The following TRPC6 variants were observed in gnomAD, a reference collection of about 807,000 sequenced individuals.
TRPC6 encodes the protein short transient receptor potential channel 6.
In TRPC6, 55 loss-of-function variants were observed where a neutral mutation model predicts 90.7. That is an observed-to-expected ratio of 0.61 (90% confidence interval 0.49 to 0.76). TRPC6 has a LOEUF of 0.76. Ranked by LOEUF, TRPC6 falls within the 30% of genes least tolerant of loss-of-function variation. The pLI is 0.00. For synonymous variants in TRPC6, 393 were observed against 393.0 expected, an observed-to-expected ratio of 1.00 and a Z score of 0.00; for missense variants, 989 against 1,122.7, an observed-to-expected ratio of 0.88 and a Z score of 1.70.
intron 2 of TRPC6, among the ~76,000 whole-genome samples, chr11:101,500,050 A>G (rs1860075358): frequency 8.5e-6 from 1 of 117,610 alleles, no homozygotes; most frequent in African/African-American, 3.5e-5. Flanking sequence ...TATACAATAT[A>G]AAATATGTGT....
At position 101,464,930 on chromosome 11, in the gene TRPC6, C is replaced by T. The variant is rs183682122; in HGVS notation, c.2484+4497G>A. 4.8e-3 allele frequency among the ~76,000 whole-genome samples: 734 copies of T among 152,198 alleles called. 7 individuals carry two copies. The highest frequency in any genetic ancestry group is 4.3e-3 in the Non-Finnish European group (292 of 68,008). ...GGTATGTTTTTGCAGCAGCTTGTAC[C>T]GGTTTTTCCTTTCCATACTTAGTGC... On this transcript the variant is annotated intron_variant, in intron 10 of 12. Transcript: ENST00000344327.
chr11:101,548,567 C>G (rs1411419646), intron 1 of TRPC6, among the ~76,000 whole-genome samples: 12 of 146,474 alleles, frequency 8.2e-5, no homozygotes, highest in African/African-American at 2.8e-4. Flanking sequence ...AGCCATTTAA[C>G]CAAAGTAAGA....
At chr11:101,581,204 C>A (rs182412332) in intron 1 of TRPC6, among the ~76,000 whole-genome samples, 1 of 152,152 alleles carries the variant, frequency 6.6e-6, no homozygotes, top group African/African-American at 2.4e-5. Flanking sequence ...CTGCTCAGTT[C>A]TATTTATTAA....
chr11:101,526,471 C>T lies in TRPC6; in HGVS notation c.171-21673G>A, dbSNP rs181460604. Among the ~76,000 whole-genome samples, 5 of 152,280 alleles carry T rather than the reference C, an allele frequency of 3.3e-5. No homozygotes were observed. The East Asian group carries it at 9.6e-4, about 29-fold the overall frequency. On this transcript the variant is annotated intron_variant, in intron 1 of 12. Transcript: ENST00000344327. The stretch of plus-strand genomic sequence containing the variant: ...ATCAATAAGTATAGTTGTTTTCTTA[C>T]TGAGTGAATCTTTTCAGATGTGTTA...
intron 10 of TRPC6, among the ~76,000 whole-genome samples, chr11:101,463,244 C>T (rs548999152): frequency 1.1e-3 from 161 of 152,244 alleles, no homozygotes; most frequent in South Asian, 6.2e-3. Context: ...CATCAATGTT[C>T]GTCAGGGATA....
chr11:101,540,405 A>G (rs561926149), intron 1 of TRPC6, among the ~76,000 whole-genome samples: 1 of 152,372 alleles, frequency 6.6e-6, no homozygotes, highest in South Asian at 2.1e-4. Context: ...GACATGGAGG[A>G]AAAGAACAAT....
chr11:101,467,856 C>T (rs573730968), intron 10 of TRPC6, among the ~76,000 whole-genome samples: 1 of 152,320 alleles, frequency 6.6e-6, no homozygotes, highest in Non-Finnish European at 1.5e-5. Flanking sequence ...TGTTGACCCC[C>T]ATACACTAGC....
rs199587164 is a variant in TRPC6 at position 101,452,338 on chromosome 11, T to C, written c.*617A>G. 6.5e-6 allele frequency: 1 copy of C among 153,306 alleles called. No individual in the cohort carries two copies. Among genetic ancestry groups the C allele is most frequent in the Admixed American group, 6.5e-5 (1 of 15,458 alleles). 9.5% of individuals were successfully genotyped at this position (153,306 alleles called of 1,614,324 possible). On this transcript the variant is annotated 3_prime_UTR_variant, in exon 13 of 13. Transcript: ENST00000344327. ...TTCCAGGGTTCAGTGGAGGAAAAAC[T>C]TTTTTCATTGTTAAGTGTAATGTTT...
chr11:101,535,994 C>A lies in TRPC6; in HGVS notation c.171-31196G>T, dbSNP rs563906396. Reference sequence around the variant, plus strand: ...ATTCAATAAATATTTATTTAATCAGCATTGCTATGTGCTAGGAAATGGGGA... The same window carrying A: ...ATTCAATAAATATTTATTTAATCAGAATTGCTATGTGCTAGGAAATGGGGA... On this transcript the variant is annotated intron_variant, in intron 1 of 12. Coordinates refer to ENST00000344327, the MANE Select transcript of TRPC6 (RefSeq NM_004621.6). Among the ~76,000 whole-genome samples the A allele has an allele frequency of 1.4e-3, 215 of 150,700 alleles. 2 individuals carry two copies. Among genetic ancestry groups the A allele is most frequent in the African/African-American group, 4.9e-3 (204 of 41,482 alleles).
At chr11:101,583,223 G>A (rs924609179) in intron 1 of TRPC6, 111 bp downstream of exon 1, 8 of 1,473,418 alleles carry the variant, frequency 5.4e-6, no homozygotes, top group African/African-American at 2.8e-5. Flanking sequence ...CGTCCTAGGA[G>A]GTACACACGC....
chr11:101,573,921 C>CGT (rs58766729), intron 1 of TRPC6, among the ~76,000 whole-genome samples: 9,966 of 131,992 alleles, frequency 0.076, 549 homozygotes, highest in African/African-American at 0.099. Flanking sequence ...GAAACAAATA[C>CGT]GTGTGTGTGT....
chr11:101,499,253 A>G (rs11224791), intron 2 of TRPC6, among the ~76,000 whole-genome samples: 71,176 of 151,792 alleles, frequency 0.47, 17,174 homozygotes, highest in African/African-American at 0.57. Context: ...AAAGTATCTC[A>G]AACAGGCAAG....
At chr11:101,508,268 G>A (rs1860319432) in intron 1 of TRPC6, among the ~76,000 whole-genome samples, 1 of 152,008 alleles carries the variant, frequency 6.6e-6, no homozygotes. Context: ...GTGATTCTTA[G>A]TAGATATTCT....
chr11:101,508,519 C>T (rs1380582926), intron 1 of TRPC6, among the ~76,000 whole-genome samples: 1 of 152,112 alleles, frequency 6.6e-6, no homozygotes, highest in African/African-American at 2.4e-5. Context: ...ATTCTTAACC[C>T]TCTTCCCTTC....
At chr11:101,516,088 T>G (rs1359444717) in intron 1 of TRPC6, among the ~76,000 whole-genome samples, 1 of 146,636 alleles carries the variant, frequency 6.8e-6, no homozygotes, top group Non-Finnish European at 1.5e-5. Context: ...TTTTCTGAAT[T>G]TCTTTTAAAA....
At chr11:101,486,168 C>T (rs1390868654) in intron 4 of TRPC6, among the ~76,000 whole-genome samples, 3 of 152,056 alleles carry the variant, frequency 2.0e-5, no homozygotes, top group African/African-American at 7.2e-5. Flanking sequence ...TTTGAAACCT[C>T]GTAGCCTTTA....
chr11:101,545,478 A>G (rs1232898129), intron 1 of TRPC6, among the ~76,000 whole-genome samples: 1 of 152,142 alleles, frequency 6.6e-6, no homozygotes, highest in Non-Finnish European at 1.5e-5. Flanking sequence ...TATCCATTAC[A>G]TTGCCCCAAC....
intron 2 of TRPC6, among the ~76,000 whole-genome samples, chr11:101,496,980 T>A (rs1166146640): frequency 2.6e-5 from 4 of 152,218 alleles, no homozygotes; most frequent in African/African-American, 9.7e-5. Flanking sequence ...AAGGATTATA[T>A]CTTAGTCGTC....
rs1428803364 is a variant in TRPC6, at chr11:101,471,154, T to A, written c.2409+29A>T. 4.3e-6 allele frequency: 7 copies of A among 1,610,084 alleles called. No homozygotes were observed. The Admixed American group carries it at 1.0e-4, about 23-fold the overall frequency. ...TTACAGTAGTCACAAAATTTAAGAA[T>A]ACAATGATAACTTATCAAGCTAAGT... On this transcript the variant is annotated intron_variant, in intron 9 of 12. Transcript: ENST00000344327.
Sources: allele counts gnomAD v4.1 joint callset (sites outside exome capture counted in the v4.1 genomes callset), GRCh38; gene constraint gnomAD v4.1.1; transcripts MANE v1.5; gene names NCBI Gene and HGNC (gene_info 2026-07-23, HGNC 2026-07-21).